Variants in SLC4A10 observed in about 807,000 individuals in gnomAD.
The protein encoded by SLC4A10 is solute carrier family 4 member 10, also known as sodium-driven chloride bicarbonate exchanger.
In SLC4A10, 42 loss-of-function variants were observed where a neutral mutation model predicts 137.7. The observed-to-expected ratio is 0.30, with a 90% confidence interval of 0.24 to 0.39. SLC4A10 has a LOEUF of 0.39. SLC4A10 is among the 10% of genes least tolerant of loss of function. The pLI is 1.00. For synonymous variants in SLC4A10, 474 were observed against 464.1 expected (o/e 1.02, Z -0.27); for missense variants, 925 against 1,355.0 (o/e 0.68, Z 4.98).
chr2:161,867,612 T>C (rs1270054894), intron 6 of SLC4A10, among the ~76,000 whole-genome samples: 1 of 152,054 alleles, frequency 6.6e-6, no homozygotes, highest in East Asian at 1.9e-4. Context: ...AACATAATTC[T>C]AGTATGAAGT....
At chr2:161,979,273 A>G (rs1188347408) in intron 26 of SLC4A10, among the ~76,000 whole-genome samples, 3 of 152,226 alleles carry the variant, frequency 2.0e-5, no homozygotes, top group African/African-American at 4.8e-5. Flanking sequence ...GATACTTTTC[A>G]CCAGAAAAAT....
At chr2:161,854,395 G>A (rs1051361242) in intron 4 of SLC4A10, among the ~76,000 whole-genome samples, 5 of 152,118 alleles carry the variant, frequency 3.3e-5, no homozygotes, top group Non-Finnish European at 4.4e-5. Context: ...GAAACACCCA[G>A]GGATGGGGTC....
At chr2:161,842,971 A>G (rs984132731) in intron 4 of SLC4A10, among the ~76,000 whole-genome samples, 5 of 152,196 alleles carry the variant, frequency 3.3e-5, no homozygotes, top group African/African-American at 1.2e-4. Context: ...GGTGATTGTG[A>G]TGACTAGACA....
chr2:161,933,219 C>A (rs1307957859), intron 15 of SLC4A10, among the ~76,000 whole-genome samples: 3 of 126,638 alleles, frequency 2.4e-5, no homozygotes, highest in Admixed American at 8.4e-5. Flanking sequence ...TTCTTTCTTT[C>A]TTTCTTTCTT....
At chr2:161,696,052 TCCCACCCCACTTCCC>T (rs2042460230) in intron 1 of SLC4A10, among the ~76,000 whole-genome samples, 4 of 151,668 alleles carry the variant, frequency 2.6e-5, no homozygotes, top group Non-Finnish European at 5.9e-5. Flanking sequence ...CCTAATGCTA[TCCCACCCCACTTCCC>T]CCCACCCCAC....
chr2:161,969,262 G>C (rs1464420306), intron 23 of SLC4A10, among the ~76,000 whole-genome samples: 1 of 152,150 alleles, frequency 6.6e-6, no homozygotes, highest in Non-Finnish European at 1.5e-5. Flanking sequence ...GAGTTAAGCA[G>C]AATAAATAGC....
In SLC4A10 at chr2:161,950,726, G is replaced by A; in HGVS notation, c.2419G>A (p.Gly807Ser). ...DDRGWFVTPL[G>S]PNPWWTVIAA... ...TCGTGGCTGGTTTGTTACGCCTTTA[G>A]GTCCAAACCCATGGTGGACAGTAAT... The change falls in exon 19 of 27, where the codon GGT becomes AGT. Residue 807 changes from glycine to serine, a missense_variant. Physicochemically the swap from Gly to Ser is moderately conservative, Grantham distance 56. Around this residue, in one of 11 missense-constraint regions of SLC4A10, gnomAD observed 82 missense variants for 151.4 expected, o/e 0.54. Transcript: ENST00000446997. 6.3e-7 allele frequency: 1 copy of A among 1,594,288 alleles called. No individual in the cohort carries two copies. Among genetic ancestry groups the A allele is most frequent in the Non-Finnish European group, 8.6e-7 (1 of 1,169,398 alleles).
chr2:161,742,065 G>A (rs574323196), intron 1 of SLC4A10, among the ~76,000 whole-genome samples: 1 of 152,258 alleles, frequency 6.6e-6, no homozygotes, highest in East Asian at 1.9e-4. Context: ...ATAAATGTGT[G>A]AGAACATGTG....
At chr2:161,978,478 C>T (rs1428269238) in intron 26 of SLC4A10, among the ~76,000 whole-genome samples, 1 of 151,856 alleles carries the variant, frequency 6.6e-6, no homozygotes, top group Non-Finnish European at 1.5e-5. Flanking sequence ...ACCATGCCTC[C>T]AGACTGGCAA....
In SLC4A10 at chr2:161,760,706, C is replaced by T. The variant is rs76972241; in HGVS notation, c.49-10267C>T. Among the ~76,000 whole-genome samples the T allele has an allele frequency of 9.5e-3, 1,446 of 152,132 alleles. 25 individuals are homozygous for T. Among genetic ancestry groups the T allele is most frequent in the African/African-American group, 0.033 (1,378 of 41,538 alleles). On this transcript the variant is annotated intron_variant, in intron 1 of 26. Transcript: ENST00000446997. ...CCTTTACTGACATTATCTGAAAAAA[C>T]TAACAATCTTTATGATTGAGTGTCA...
intron 1 of SLC4A10, among the ~76,000 whole-genome samples, chr2:161,679,330 C>A (rs1303859491): frequency 6.6e-6 from 1 of 151,982 alleles, no homozygotes; most frequent in Non-Finnish European, 1.5e-5. Flanking sequence ...AGCACAAAAT[C>A]TTTTTATTTA....
chr2:161,877,374 A>G (rs1381681633), intron 8 of SLC4A10, among the ~76,000 whole-genome samples: 1 of 152,090 alleles, frequency 6.6e-6, no homozygotes, highest in African/African-American at 2.4e-5. Context: ...CCATTGAGAG[A>G]GAAAACTTAA....
chr2:161,793,848 A>G (rs1317304912), intron 2 of SLC4A10, among the ~76,000 whole-genome samples: 1 of 152,142 alleles, frequency 6.6e-6, no homozygotes, highest in Non-Finnish European at 1.5e-5. Context: ...ATAATTTCTA[A>G]TTTTGAGCTA....
At chr2:161,820,481 C>T (rs770398556) in intron 3 of SLC4A10, among the ~76,000 whole-genome samples, 9 of 152,148 alleles carry the variant, frequency 5.9e-5, no homozygotes, top group Non-Finnish European at 1.2e-4. Flanking sequence ...TTCCATCCTC[C>T]TCAAAAGAAT....
chr2:161,816,815 T>G (rs539416981), intron 3 of SLC4A10, among the ~76,000 whole-genome samples: 1 of 152,244 alleles, frequency 6.6e-6, no homozygotes, highest in East Asian at 1.9e-4. Context: ...GAACTCATCA[T>G]TTTTTATGGC....
intron 2 of SLC4A10, among the ~76,000 whole-genome samples, chr2:161,792,066 C>T (rs11903790): frequency 0.034 from 5,096 of 152,112 alleles, 110 homozygotes; most frequent in African/African-American, 0.048. Context: ...TATAACTAAA[C>T]TCTGTTTAGT....
chr2:161,830,658 T>A (rs72879226), intron 3 of SLC4A10, among the ~76,000 whole-genome samples: 10,436 of 151,920 alleles, frequency 0.069, 471 homozygotes, highest in East Asian at 0.18. Context: ...GATAAAATTT[T>A]AAAAAAAAGC....
At chr2:161,797,903 C>G (rs981601959) in intron 2 of SLC4A10, among the ~76,000 whole-genome samples, 2 of 151,962 alleles carry the variant, frequency 1.3e-5, no homozygotes, top group Admixed American at 6.6e-5. Context: ...TACTTTCTAT[C>G]TAGAATAGTC....
chr2:161,817,132 C>A (rs2057153052), intron 3 of SLC4A10, among the ~76,000 whole-genome samples: 1 of 152,200 alleles, frequency 6.6e-6, no homozygotes, highest in South Asian at 2.1e-4. Context: ...CACATCCTCT[C>A]CAGCACCTGT....
Sources: gnomAD v4.1 joint callset for allele counts (sites outside exome capture counted in the v4.1 genomes callset) on GRCh38, gnomAD v4.1.1 for gene constraint, gnomAD v4.1.1 regional missense constraint, MANE v1.5 for transcripts, NCBI Gene and HGNC (gene_info 2026-07-23, HGNC 2026-07-21) for gene names.